ABTB2: variants seen among roughly 807,000 people sequenced by gnomAD.
ABTB2 encodes the protein ankyrin repeat and BTB domain containing 2, also known as ankyrin repeat and BTB/POZ domain-containing protein 2.
In ABTB2, 56 loss-of-function variants were observed where a neutral mutation model predicts 104.1. The observed-to-expected ratio is 0.54, with a 90% CI of 0.43 to 0.67. The LOEUF is 0.67. Among genes scored for constraint, ABTB2 ranks in the 30% least tolerant of loss-of-function variants. The probability of loss-of-function intolerance (pLI) is 0.00; values close to 1 mark genes in which losing one functional copy is unlikely to be tolerated. For synonymous variants in ABTB2, 606 were observed against 608.2 expected (o/e 1.00, Z 0.05); for missense variants, 1,279 against 1,407.7 (o/e 0.91, Z 1.46).
At position 34,334,259 on chromosome 11, in the gene ABTB2, C is replaced by T. The variant is rs143653178; in HGVS notation, c.883+22442G>A. ...TTTGTTCAACTGTTTTAGACACATACGGGAGCTCATGCCTAAGACCTGCCC... is the reference window on the plus strand; with the variant it reads ...TTTGTTCAACTGTTTTAGACACATATGGGAGCTCATGCCTAAGACCTGCCC... On this transcript the variant is annotated intron_variant, in intron 1 of 16. Coordinates refer to ENST00000435224, the MANE Select transcript of ABTB2 (RefSeq NM_145804.3). Among the ~76,000 whole-genome samples, 120 of 152,242 alleles carry T rather than the reference C, an allele frequency of 7.9e-4. 1 individual carries two copies. In the East Asian group the frequency reaches 0.017, roughly 22 times the overall value.
At chr11:34,328,347 G>A (rs922075497) in intron 1 of ABTB2, among the ~76,000 whole-genome samples, 1 of 152,158 alleles carries the variant, frequency 6.6e-6, no homozygotes, top group Non-Finnish European at 1.5e-5. Context: ...TCGGAGTGAG[G>A]GACGCAGGCT....
chr11:34,214,771 AG>A (rs1418425078), intron 1 of ABTB2, among the ~76,000 whole-genome samples: 1 of 152,156 alleles, frequency 6.6e-6, no homozygotes, highest in East Asian at 1.9e-4. Flanking sequence ...GTATACTTTT[AG>A]ATGATTCTTC....
chr11:34,153,367 C>CT (rs1363943692), intron 16 of ABTB2, among the ~76,000 whole-genome samples: 1 of 151,962 alleles, frequency 6.6e-6, no homozygotes, highest in Admixed American at 6.6e-5. Flanking sequence ...AGTCTTTGTA[C>CT]TTTTTTGGGG....
chr11:34,233,574 G>C (rs1853802703), intron 1 of ABTB2, among the ~76,000 whole-genome samples: 1 of 151,760 alleles, frequency 6.6e-6, no homozygotes, highest in African/African-American at 2.4e-5. Flanking sequence ...GGCTGGTCTT[G>C]AAATCCTGGG....
chr11:34,275,032 G>A (rs1854367722), intron 1 of ABTB2, among the ~76,000 whole-genome samples: 1 of 152,108 alleles, frequency 6.6e-6, no homozygotes, highest in Admixed American at 6.5e-5. Context: ...GACTCACCTG[G>A]GCTCCAGGCT....
At chr11:34,325,943 A>G (rs951400313) in intron 1 of ABTB2, among the ~76,000 whole-genome samples, 2 of 147,730 alleles carry the variant, frequency 1.4e-5, no homozygotes, top group South Asian at 2.1e-4. Context: ...AGAGTGAGAC[A>G]GTCTCAAAAA....
intron 1 of ABTB2, among the ~76,000 whole-genome samples, chr11:34,325,927 GGC>G (rs1855064061): frequency 7.2e-6 from 1 of 139,282 alleles, no homozygotes; most frequent in South Asian, 2.2e-4. Flanking sequence ...CTCCAGCCTG[GGC>G]GACAGAGTGA....
Position 34,327,887 on chromosome 11 carries a change from G to A in ABTB2, c.883+28814C>T, listed in dbSNP as rs543014110. ...AATCCCCCGGCAGCTGCGTGTACATGGTTAGAATGCACTTTGTCTGCTGTC... is the reference window on the plus strand; with the variant it reads ...AATCCCCCGGCAGCTGCGTGTACATAGTTAGAATGCACTTTGTCTGCTGTC... On this transcript the variant is annotated intron_variant, in intron 1 of 16. Transcript: ENST00000435224. Among the ~76,000 whole-genome samples the A allele has an allele frequency of 2.0e-5, 3 of 152,026 alleles. No homozygotes were observed. In the South Asian group the frequency reaches 6.2e-4, roughly 32 times the overall value.
At chr11:34,236,462 G>T (rs1853845034) in intron 1 of ABTB2, among the ~76,000 whole-genome samples, 1 of 152,142 alleles carries the variant, frequency 6.6e-6, no homozygotes, top group Admixed American at 6.5e-5. Flanking sequence ...TTTCAGAGAG[G>T]TTATTTCTAG....
chr11:34,240,251 C>T (rs911528791), intron 1 of ABTB2, among the ~76,000 whole-genome samples: 1 of 152,192 alleles, frequency 6.6e-6, no homozygotes, highest in African/African-American at 2.4e-5. Flanking sequence ...GTCACCGAAA[C>T]TTTTCCATTT....
intron 1 of ABTB2, among the ~76,000 whole-genome samples, chr11:34,328,919 T>C (rs1327741425): frequency 2.0e-5 from 3 of 152,210 alleles, no homozygotes; most frequent in Non-Finnish European, 4.4e-5. Flanking sequence ...ATAATAATTG[T>C]CAACACTCAG....
At chr11:34,220,360 T>G (rs1195399708) in intron 1 of ABTB2, among the ~76,000 whole-genome samples, 1 of 152,244 alleles carries the variant, frequency 6.6e-6, no homozygotes, top group African/African-American at 2.4e-5. Flanking sequence ...TCCCAGGCTC[T>G]CTTATGGCCG....
chr11:34,333,325 T>G (rs1270277377), intron 1 of ABTB2, among the ~76,000 whole-genome samples: 4 of 152,154 alleles, frequency 2.6e-5, no homozygotes, highest in Non-Finnish European at 5.9e-5. Flanking sequence ...TAGCGGCATG[T>G]CTGGGTAAAA....
At chr11:34,200,527 C>T (rs1054355728) in intron 2 of ABTB2, among the ~76,000 whole-genome samples, 4 of 152,284 alleles carry the variant, frequency 2.6e-5, no homozygotes, top group African/African-American at 9.6e-5. Flanking sequence ...CTGACTGTGA[C>T]GTCTAAAAAC....
At chr11:34,159,517 A>C (rs1377629732) in intron 13 of ABTB2, 131 bp from the exon 14 acceptor site, 1 of 668,878 alleles carries the variant, frequency 1.5e-6, no homozygotes, top group Admixed American at 2.5e-5. Context: ...TGTGCTCCTA[A>C]AATAATTTTC....
chr11:34,330,692 A>G (rs1316214746), intron 1 of ABTB2, among the ~76,000 whole-genome samples: 1 of 152,258 alleles, frequency 6.6e-6, no homozygotes, highest in Non-Finnish European at 1.5e-5. Flanking sequence ...ATAGTTGTCA[A>G]TGAGGCATAG....
At chr11:34,346,508 T>C (rs1855334009) in intron 1 of ABTB2, among the ~76,000 whole-genome samples, 2 of 152,262 alleles carry the variant, frequency 1.3e-5, no homozygotes, top group South Asian at 4.2e-4. Flanking sequence ...CAATTAATCT[T>C]AATATTAAAA....
At position 34,357,444 on chromosome 11, in the gene ABTB2, T is replaced by G. The variant is rs1399802182; in HGVS notation, c.140A>C (p.Gln47Pro). Residue 47 changes from glutamine (Q) to proline (P), a missense_variant, in exon 1 of 17, where the codon CAG becomes CCG. Coordinates refer to ENST00000435224, the MANE Select transcript of ABTB2 (RefSeq NM_145804.3). ...SNSQALNSSA[Q>P]QHRGAAWWCY... Reference sequence around the variant, plus strand: ...CCACCAGGCCGCCCCGCGGTGCTGCTGCGCCGAAGAGTTGAGCGCCTGCGA... The same window carrying G: ...CCACCAGGCCGCCCCGCGGTGCTGCGGCGCCGAAGAGTTGAGCGCCTGCGA... The G allele has an allele frequency of 6.5e-7, 1 of 1,548,606 alleles. No homozygotes were observed. The highest frequency in any genetic ancestry group is 8.7e-7 in the Non-Finnish European group (1 of 1,146,828).
chr11:34,302,865 G>T (rs942781802), intron 1 of ABTB2, among the ~76,000 whole-genome samples: 3 of 152,166 alleles, frequency 2.0e-5, no homozygotes, highest in African/African-American at 7.2e-5. Flanking sequence ...AGCTACTCAG[G>T]AGTCTGGGGC....
Sources: allele counts gnomAD v4.1 joint callset (sites outside exome capture counted in the v4.1 genomes callset), GRCh38; gene constraint gnomAD v4.1.1; transcripts MANE v1.5; gene names NCBI Gene and HGNC (gene_info 2026-07-23, HGNC 2026-07-21).